The following PARVB variants were observed in gnomAD, a reference collection of about 807,000 sequenced individuals.
PARVB encodes the protein parvin beta, also known as beta-parvin.
In PARVB, 46 loss-of-function variants were observed where a neutral mutation model predicts 47.0. The observed-to-expected ratio is 0.98, with a 90% confidence interval of 0.77 to 1.25. The LOEUF (loss-of-function observed/expected upper bound fraction) is 1.25. Ranked by LOEUF, PARVB falls within the 50% of genes most tolerant of loss-of-function variation. The probability of loss-of-function intolerance (pLI) is 0.00; values close to 1 mark genes in which losing one functional copy is unlikely to be tolerated. For synonymous variants in PARVB, 196 were observed against 196.3 expected (o/e 1.00, Z 0.01); for missense variants, 473 against 471.6 (o/e 1.00, Z -0.03).
At chr22:44,154,487 C>T (rs2053875296) in intron 10 of PARVB, among the ~76,000 whole-genome samples, 1 of 149,370 alleles carries the variant, frequency 6.7e-6, no homozygotes, top group Non-Finnish European at 1.5e-5. Context: ...GTGGTTTATG[C>T]AGTCTGTTGG....
intron 1 of PARVB, among the ~76,000 whole-genome samples, chr22:44,077,297 T>C (rs1018441954): frequency 1.3e-5 from 2 of 152,204 alleles, no homozygotes; most frequent in Non-Finnish European, 2.9e-5. Flanking sequence ...CTCCAGCCTC[T>C]GTCTCCCTCT....
intron 1 of PARVB, among the ~76,000 whole-genome samples, chr22:44,058,753 C>G (rs1569082691): frequency 6.6e-6 from 1 of 151,966 alleles, no homozygotes; most frequent in Admixed American, 6.6e-5. Flanking sequence ...TGGGGTTTCA[C>G]TCTGTTGCGC....
At chr22:44,021,816 CAG>C (rs1212924149), upstream of PARVB, among the ~76,000 whole-genome samples, 291 of 139,096 alleles carry the variant, frequency 2.1e-3, 6 homozygotes, top group African/African-American at 8.0e-3. Context: ...CACACACACA[CAG>C]GGCCTAGTAG....
intron 1 of PARVB, among the ~76,000 whole-genome samples, chr22:44,030,557 T>TG (rs1441977360): frequency 1.3e-5 from 2 of 150,844 alleles, no homozygotes; most frequent in Non-Finnish European, 3.0e-5. Context: ...AGTGGTGCTT[T>TG]GGGGAGTGGG....
At chr22:44,127,625 A>G (rs2053215986) in intron 4 of PARVB, among the ~76,000 whole-genome samples, 1 of 152,208 alleles carries the variant, frequency 6.6e-6, no homozygotes, top group South Asian at 2.1e-4. Flanking sequence ...GTTCTGGCAA[A>G]GGTCAGTCAC....
intron 10 of PARVB, among the ~76,000 whole-genome samples, chr22:44,154,669 G>GTGTGTGTGGTTTTCGTTGTC (rs2053884191): frequency 1.4e-5 from 1 of 70,386 alleles, no homozygotes; most frequent in Non-Finnish European, 3.3e-5. Context: ...AGTCTGTGTG[G>GTGTGTGTGGTTTTCGTTGTC]TGTGTGGTGT....
chr22:44,074,603 G>A (rs1468553230), intron 1 of PARVB, among the ~76,000 whole-genome samples: 5 of 152,190 alleles, frequency 3.3e-5, no homozygotes, highest in African/African-American at 1.2e-4. Context: ...GAGCAGGGCA[G>A]GCTGACCCTG....
rs539682828 is a variant in PARVB at position 44,083,735 on chromosome 22, G to T, written c.113-10193G>T. On this transcript the variant is annotated intron_variant, in intron 1 of 12. Coordinates refer to ENST00000338758, the MANE Select transcript of PARVB (RefSeq NM_013327.5). ...CTGCAGCTGTATTGATGAGAGGAGG[G>T]GTCTGCTCATTAACAGTCATCGGGT... is the stretch of plus-strand genomic sequence containing the variant. Among the ~76,000 whole-genome samples, 153 of 151,670 alleles carry T rather than the reference G, an allele frequency of 1.0e-3. 1 individual carries two copies. The highest frequency in any genetic ancestry group is 6.8e-3 in the Middle Eastern group (2 of 294).
intron 2 of PARVB, chr22:44,010,522 G>A (rs1157255671): frequency 6.6e-6 from 1 of 152,226 alleles, no homozygotes; most frequent in Non-Finnish European, 1.5e-5. Flanking sequence ...ATGAGAAGTG[G>A]AGTTGTTACT....
intron 4 of PARVB, among the ~76,000 whole-genome samples, chr22:44,123,269 T>A (rs2053111175): frequency 1.3e-5 from 2 of 152,154 alleles, no homozygotes; most frequent in African/African-American, 4.8e-5. Context: ...ACCGGATGGG[T>A]CATTGGTGGC....
At chr22:44,061,432 A>G (rs1293710872) in intron 1 of PARVB, among the ~76,000 whole-genome samples, 7 of 4,154 alleles carry the variant, frequency 1.7e-3, no homozygotes, top group Non-Finnish European at 3.7e-4. Flanking sequence ...CTTCATCTCA[A>G]AAACAAAACA....
chr22:44,091,590 C>T (rs2052168990), intron 1 of PARVB, among the ~76,000 whole-genome samples: 1 of 152,178 alleles, frequency 6.6e-6, no homozygotes, highest in Non-Finnish European at 1.5e-5. Flanking sequence ...CTTTCTGTGT[C>T]TGGCTTATTT....
At chr22:44,001,577 C>T (rs983259235) in intron 2 of PARVB, among the ~76,000 whole-genome samples, 8 of 152,190 alleles carry the variant, frequency 5.3e-5, no homozygotes, top group South Asian at 2.1e-4. Context: ...AACCATTTCA[C>T]GCTGTTGTAA....
rs116338023 is a variant in PARVB at position 44,054,296 on chromosome 22, A to G, written c.112+29845A>G. Among the ~76,000 whole-genome samples, 1,238 of 152,152 alleles carry G rather than the reference A, an allele frequency of 8.1e-3. 18 individuals carry two copies. Among genetic ancestry groups the G allele is most frequent in the African/African-American group, 0.028 (1,172 of 41,510 alleles). ...AGTGATGCAATCTTGGCTCACTGCAACCTCACCTCTCGGGCTCAAGTGATC... is the reference window on the plus strand; with the variant it reads ...AGTGATGCAATCTTGGCTCACTGCAGCCTCACCTCTCGGGCTCAAGTGATC... On this transcript the variant is annotated intron_variant, in intron 1 of 12. Transcript: ENST00000338758.
intron 1 of PARVB, among the ~76,000 whole-genome samples, chr22:44,027,215 T>C (rs1340932085): frequency 6.6e-6 from 1 of 152,100 alleles, no homozygotes; most frequent in African/African-American, 2.4e-5. Context: ...GGTTCAGCTT[T>C]ACTGGGGCTT....
intron 4 of PARVB, among the ~76,000 whole-genome samples, chr22:44,120,352 G>A (rs1303069636): frequency 1.3e-5 from 2 of 152,200 alleles, no homozygotes; most frequent in Non-Finnish European, 2.9e-5. Flanking sequence ...ATCTGGAACC[G>A]CCTTCCCTTT....
intron 1 of PARVB, among the ~76,000 whole-genome samples, chr22:44,025,854 G>T (rs2050719640): frequency 6.6e-6 from 1 of 152,208 alleles, no homozygotes; most frequent in Non-Finnish European, 1.5e-5. Flanking sequence ...CACAGCCTGT[G>T]GAGCGCCCGC....
At chr22:44,136,671 C>T (rs1462361035) in intron 7 of PARVB, among the ~76,000 whole-genome samples, 153 bp downstream of exon 7, 1 of 152,182 alleles carries the variant, frequency 6.6e-6, no homozygotes, top group African/African-American at 2.4e-5. Flanking sequence ...CTGGTTCCCA[C>T]CCCAGCTCTC....
intron 1 of PARVB, among the ~76,000 whole-genome samples, chr22:44,034,966 C>T (rs886489618): frequency 1.3e-5 from 2 of 152,216 alleles, no homozygotes; most frequent in African/African-American, 4.8e-5. Flanking sequence ...TCACCTCAGC[C>T]TTCCAAAGTA....
Sources: allele counts gnomAD v4.1 joint callset (sites outside exome capture counted in the v4.1 genomes callset), GRCh38; gene constraint gnomAD v4.1.1; transcripts MANE v1.5; gene names NCBI Gene and HGNC (gene_info 2026-07-23, HGNC 2026-07-21).